Variants in PDE4D observed in about 807,000 individuals in gnomAD.
PDE4D encodes the protein 3',5'-cyclic-AMP phosphodiesterase 4D.
PDE4D carries 24 observed loss-of-function variants against 87.4 expected under a neutral mutation model. The ratio of observed to expected loss-of-function variants is 0.27; its 90% CI spans 0.20 to 0.39. The LOEUF is 0.39. Ranked by LOEUF, PDE4D falls within the 10% of genes least tolerant of loss-of-function variation. The pLI, the probability that PDE4D is intolerant of heterozygous loss-of-function variation, is 1.00. For missense variants in PDE4D, 714 were observed against 1,041.0 expected (o/e 0.69, Z 4.32); for synonymous variants, 384 against 383.2 (o/e 1.00, Z -0.02).
intron 5 of PDE4D, among the ~76,000 whole-genome samples, chr5:59,044,714 T>C (rs1219610951): frequency 2.0e-5 from 3 of 152,342 alleles, no homozygotes; most frequent in Middle Eastern, 3.4e-3. Flanking sequence ...TCCAAGTGTA[T>C]TTCTGGCATC....
rs559614695 is a variant in PDE4D, at chr5:59,370,413, G to A, written c.456-154445C>T. Among the ~76,000 whole-genome samples the A allele has an allele frequency of 3.9e-5, 6 of 152,114 alleles. No homozygotes were observed. In the South Asian group the frequency reaches 8.3e-4, roughly 21 times the overall value. On this transcript the variant is annotated intron_variant, in intron 1 of 14. Transcript: ENST00000340635. ...TCTTCCTGTTCCTTAAACACAATGT[G>A]CCTCCTCCTAAGGAGCTTTGCACTT...
intron 6 of PDE4D, among the ~76,000 whole-genome samples, chr5:59,033,326 A>C (rs1757921302): frequency 6.6e-6 from 1 of 152,196 alleles, no homozygotes; most frequent in Non-Finnish European, 1.5e-5. Context: ...TATTAAAATA[A>C]AGTGCTACTG....
intron 1 of PDE4D, among the ~76,000 whole-genome samples, chr5:59,446,951 G>A (rs1482788301): frequency 6.6e-6 from 1 of 152,178 alleles, no homozygotes; most frequent in East Asian, 1.9e-4. Context: ...ATGAAAAATA[G>A]TTATCGCTTT....
intron 1 of PDE4D, among the ~76,000 whole-genome samples, chr5:60,418,638 A>C (rs990541620): frequency 6.6e-6 from 1 of 151,962 alleles, no homozygotes; most frequent in Non-Finnish European, 1.5e-5. Context: ...TATGGGGTAC[A>C]TGAGATGTTT....
At chr5:59,284,197 T>C (rs564631746) in intron 1 of PDE4D, among the ~76,000 whole-genome samples, 2 of 152,308 alleles carry the variant, frequency 1.3e-5, no homozygotes, top group South Asian at 4.1e-4. Context: ...ATTAGGTGTC[T>C]GGCCATGCAA....
At chr5:59,095,552 C>T (rs1472398680) in intron 5 of PDE4D, among the ~76,000 whole-genome samples, 1 of 151,956 alleles carries the variant, frequency 6.6e-6, no homozygotes. Flanking sequence ...GCCAAGAAAC[C>T]TTACTTTGAA....
chr5:60,401,626 G>A (rs1741097868), intron 1 of PDE4D, among the ~76,000 whole-genome samples: 1 of 152,176 alleles, frequency 6.6e-6, no homozygotes, highest in Non-Finnish European at 1.5e-5. Context: ...GCACTCTGTG[G>A]CATCTCCCTC....
chr5:60,073,229 T>C (rs1237993186), intron 2 of PDE4D, among the ~76,000 whole-genome samples: 1 of 152,114 alleles, frequency 6.6e-6, no homozygotes, highest in Non-Finnish European at 1.5e-5. Context: ...GAAGAGGTGA[T>C]GAATTTTATC....
intron 5 of PDE4D, among the ~76,000 whole-genome samples, chr5:59,141,852 G>T (rs141254259): frequency 6.6e-6 from 1 of 152,274 alleles, no homozygotes; most frequent in East Asian, 1.9e-4. Flanking sequence ...GGGTCTGGAG[G>T]TTCTTGCAGT....
chr5:59,115,174 C>G (rs753354586), intron 5 of PDE4D, among the ~76,000 whole-genome samples: 1 of 151,920 alleles, frequency 6.6e-6, no homozygotes, highest in Non-Finnish European at 1.5e-5. Context: ...AGAAATCTTA[C>G]CATAATATAG....
At chr5:59,378,262 A>G (rs1207389543) in intron 1 of PDE4D, among the ~76,000 whole-genome samples, 1 of 152,200 alleles carries the variant, frequency 6.6e-6, no homozygotes, top group African/African-American at 2.4e-5. Context: ...GGGGAACAAC[A>G]CACACTAGGG....
intron 5 of PDE4D, among the ~76,000 whole-genome samples, chr5:59,105,353 A>C (rs1257877863): frequency 5.9e-5 from 9 of 152,176 alleles, no homozygotes. Context: ...ATCTTAAAAT[A>C]ATTTTCCAGC....
At chr5:59,191,678 C>A (rs1226657407) in intron 3 of PDE4D, among the ~76,000 whole-genome samples, 1 of 152,000 alleles carries the variant, frequency 6.6e-6, no homozygotes, top group African/African-American at 2.4e-5. Context: ...AAGCAATTAT[C>A]CTGCCTCAGC....
At chr5:59,091,288 C>T (rs183647275) in intron 5 of PDE4D, among the ~76,000 whole-genome samples, 2 of 152,086 alleles carry the variant, frequency 1.3e-5, no homozygotes. Flanking sequence ...GGTATATTCC[C>T]CCACAAAAAT....
intron 1 of PDE4D, among the ~76,000 whole-genome samples, chr5:59,505,424 A>G (rs932738353): frequency 2.0e-5 from 3 of 152,238 alleles, no homozygotes; most frequent in Non-Finnish European, 4.4e-5. Context: ...ATATAAGGGT[A>G]TGTGGTATCA....
chr5:60,442,859 C>T (rs866980201), intron 1 of PDE4D, among the ~76,000 whole-genome samples: 15 of 151,950 alleles, frequency 9.9e-5, no homozygotes, highest in African/African-American at 2.7e-4. Context: ...TTAAATTATA[C>T]GGAATTTCTA....
intron 2 of PDE4D, among the ~76,000 whole-genome samples, chr5:60,019,435 A>G (rs1765827898): frequency 6.6e-6 from 1 of 152,204 alleles, no homozygotes; most frequent in Non-Finnish European, 1.5e-5. Flanking sequence ...TGAAAGTCCT[A>G]GGTGACATCT....
chr5:59,527,064 AG>A (rs1443815576), intron 1 of PDE4D, among the ~76,000 whole-genome samples: 2 of 152,240 alleles, frequency 1.3e-5, no homozygotes, highest in Non-Finnish European at 2.9e-5. Flanking sequence ...CCAAAATAAA[AG>A]CTTATAACAG....
intron 5 of PDE4D, among the ~76,000 whole-genome samples, chr5:59,065,057 GATAT>G (rs149103045): frequency 0.029 from 667 of 23,028 alleles, 20 homozygotes; most frequent in East Asian, 0.083. Context: ...AAGGAAATGT[GATAT>G]ATATATACAC....
Sources: allele counts gnomAD v4.1 joint callset (sites outside exome capture counted in the v4.1 genomes callset), GRCh38; gene constraint gnomAD v4.1.1; transcripts MANE v1.5; gene names NCBI Gene and HGNC (gene_info 2026-07-23, HGNC 2026-07-21).